The following RSU1 variants were observed in gnomAD, a reference collection of about 807,000 sequenced individuals.
RSU1 encodes rsu-1.
A neutral mutation model predicts 31.1 loss-of-function variants in RSU1; 26 were observed. The ratio of observed to expected loss-of-function variants is 0.84; its 90% CI spans 0.61 to 1.16. The LOEUF (loss-of-function observed/expected upper bound fraction) is 1.16. Among genes scored for constraint, RSU1 ranks in the 50% most tolerant of loss-of-function variants. The pLI is 0.00. For synonymous variants in RSU1, 164 were observed against 136.3 expected, an observed-to-expected ratio of 1.20 and a Z score of -1.41; for missense variants, 320 against 339.1, an observed-to-expected ratio of 0.94 and a Z score of 0.44.
At chr10:16,734,028 C>T (rs1388994923) in intron 7 of RSU1, among the ~76,000 whole-genome samples, 1 of 152,208 alleles carries the variant, frequency 6.6e-6, no homozygotes, top group Admixed American at 6.5e-5. Flanking sequence ...CTTTTGTTCC[C>T]AGTCAGCCCT....
At chr10:16,773,146 C>A (rs920705643) in intron 3 of RSU1, among the ~76,000 whole-genome samples, 4 of 151,488 alleles carry the variant, frequency 2.6e-5, no homozygotes, top group African/African-American at 9.7e-5. Context: ...CTGCAGTGAG[C>A]TGAGATTGCA....
intron 2 of RSU1, among the ~76,000 whole-genome samples, chr10:16,802,878 TCAA>T (rs1838186966): frequency 6.6e-6 from 1 of 152,112 alleles, no homozygotes; most frequent in African/African-American, 2.4e-5. Flanking sequence ...AAGAACTTTC[TCAA>T]CTTAATAAAA....
At chr10:16,815,652 C>G (rs1457212439) in intron 2 of RSU1, among the ~76,000 whole-genome samples, 2 of 152,038 alleles carry the variant, frequency 1.3e-5, no homozygotes, top group African/African-American at 4.8e-5. Flanking sequence ...TCCCAATGTC[C>G]CAGCAGAGAA....
intron 8 of RSU1, among the ~76,000 whole-genome samples, chr10:16,648,132 A>AAT (rs1554763092): frequency 1.6e-4 from 21 of 133,546 alleles, no homozygotes; most frequent in South Asian, 1.1e-3. Flanking sequence ...AAAAAAAAAA[A>AAT]TTTTTTTTTT....
intron 7 of RSU1, chr10:16,723,163 CATT>C (rs1303592632): frequency 4.0e-5 from 6 of 151,880 alleles, no homozygotes; most frequent in African/African-American, 1.2e-4. Flanking sequence ...AATGTGACTT[CATT>C]ATTCTTATGA....
chr10:16,656,964 G>A (rs777594536), intron 8 of RSU1, among the ~76,000 whole-genome samples: 1 of 152,152 alleles, frequency 6.6e-6, no homozygotes, highest in Non-Finnish European at 1.5e-5. Flanking sequence ...GTCCACACAA[G>A]GAAAACACTG....
chr10:16,796,773 C>T (rs1190529995), intron 2 of RSU1, among the ~76,000 whole-genome samples: 2 of 152,044 alleles, frequency 1.3e-5, no homozygotes, highest in African/African-American at 4.8e-5. Context: ...TCCTGAAACC[C>T]TACATCAAAA....
At chr10:16,782,936 G>A (rs995535328) in intron 2 of RSU1, among the ~76,000 whole-genome samples, 31 of 150,728 alleles carry the variant, frequency 2.1e-4, no homozygotes. Context: ...TTTGAGACAG[G>A]GTCTCAATCT....
At chr10:16,667,770 G>T (rs1272041970) in intron 8 of RSU1, among the ~76,000 whole-genome samples, 1 of 152,170 alleles carries the variant, frequency 6.6e-6, no homozygotes, top group Non-Finnish European at 1.5e-5. Context: ...TTACAGGCAT[G>T]AGGCACTGTG....
intron 8 of RSU1, among the ~76,000 whole-genome samples, chr10:16,681,243 C>T (rs570004832): frequency 5.9e-5 from 9 of 152,270 alleles, no homozygotes; most frequent in African/African-American, 1.9e-4. Flanking sequence ...TATTAAGATG[C>T]TCGTTGTTTC....
intron 4 of RSU1, among the ~76,000 whole-genome samples, chr10:16,761,867 A>G (rs1208601992): frequency 1.3e-5 from 2 of 152,064 alleles, no homozygotes; most frequent in East Asian, 1.9e-4. Flanking sequence ...AAAACAAAAC[A>G]AAACAAAAGA....
intron 8 of RSU1, among the ~76,000 whole-genome samples, chr10:16,688,576 T>G (rs1455802113): frequency 1.3e-5 from 2 of 152,076 alleles, no homozygotes; most frequent in Non-Finnish European, 2.9e-5. Context: ...GCCACTGCAG[T>G]CCAGCTTCGG....
intron 8 of RSU1, among the ~76,000 whole-genome samples, chr10:16,653,068 A>G (rs1478490343): frequency 6.6e-6 from 1 of 152,200 alleles, no homozygotes; most frequent in Non-Finnish European, 1.5e-5. Flanking sequence ...AAATACAAGT[A>G]AAGCCAAGAG....
At chr10:16,708,381 G>T (rs1835947758) in intron 7 of RSU1, among the ~76,000 whole-genome samples, 2 of 152,210 alleles carry the variant, frequency 1.3e-5, no homozygotes, top group Admixed American at 1.3e-4. Context: ...TGGTGAGTAG[G>T]CTTCCTGTTG....
chr10:16,620,824 A>G (rs1400594723), intron 8 of RSU1, among the ~76,000 whole-genome samples: 14 of 149,824 alleles, frequency 9.3e-5, no homozygotes, highest in Admixed American at 4.6e-4. Flanking sequence ...CAGCCTGGGC[A>G]ACAGAGCGAG....
intron 7 of RSU1, among the ~76,000 whole-genome samples, chr10:16,695,740 A>T (rs186276315): frequency 4.1e-4 from 62 of 152,330 alleles, no homozygotes; most frequent in Middle Eastern, 3.4e-3. Context: ...TTCTCCAGCA[A>T]TCTGGAAGGT....
At chr10:16,651,826 G>C (rs1235035663) in intron 8 of RSU1, among the ~76,000 whole-genome samples, 3 of 152,078 alleles carry the variant, frequency 2.0e-5, no homozygotes. Context: ...ACAAATAACT[G>C]ACTTAAAATA....
At chr10:16,619,575 G>A (rs1374097725) in intron 8 of RSU1, among the ~76,000 whole-genome samples, 1 of 152,170 alleles carries the variant, frequency 6.6e-6, no homozygotes, top group African/African-American at 2.4e-5. Flanking sequence ...CTAAGGAAGT[G>A]CCTCGTGTGT....
intron 8 of RSU1, among the ~76,000 whole-genome samples, chr10:16,642,694 A>G (rs1399916849): frequency 6.6e-6 from 1 of 152,190 alleles, no homozygotes; most frequent in African/African-American, 2.4e-5. Context: ...GAAATCATAT[A>G]TTATGTATGT....
Sources: allele counts gnomAD v4.1 joint callset (sites outside exome capture counted in the v4.1 genomes callset), GRCh38; gene constraint gnomAD v4.1.1; transcripts MANE v1.5; gene names NCBI Gene and HGNC (gene_info 2026-07-23, HGNC 2026-07-21).